Variants in CENATAC observed in about 807,000 individuals in gnomAD.
CENATAC encodes coiled-coil domain containing 84.
In CENATAC, 53 loss-of-function variants were observed where a neutral mutation model predicts 53.7. The ratio of observed to expected loss-of-function variants is 0.99; its 90% CI spans 0.79 to 1.24. The LOEUF is 1.24. Ranked by LOEUF, CENATAC falls within the 50% of genes most tolerant of loss-of-function variation. The probability of loss-of-function intolerance (pLI) is 0.00; values close to 1 mark genes in which losing one functional copy is unlikely to be tolerated. For missense variants in CENATAC, 474 were observed against 417.8 expected (o/e 1.13, Z -1.17); for synonymous variants, 156 against 144.6 (o/e 1.08, Z -0.57).
At chr11:118,999,705 C>T (rs1023502174) in intron 3 of CENATAC, among the ~76,000 whole-genome samples, 4 of 152,076 alleles carry the variant, frequency 2.6e-5, no homozygotes, top group African/African-American at 4.8e-5. Context: ...TGCAGTGGCG[C>T]GATCTCCGCT....
In CENATAC at chr11:118,998,485, A is replaced by G; in HGVS notation, c.176A>G (p.Glu59Gly). 6.2e-7 allele frequency: 1 copy of G among 1,613,392 alleles called. No individual in the cohort carries two copies. ...RAAQVERYVP[E>G]HERCCWCLCC... The stretch of plus-strand genomic sequence containing the variant: ...GCTCAGGTGGAGCGCTATGTGCCCG[A>G]ACACGAGCGATGCTGCTGGTGCCTG... The change falls in exon 2 of 11, where the codon GAA (glutamate) becomes GGA (glycine). Residue 59 changes from glutamate (E) to glycine (G), a missense_variant. Physicochemically the swap from Glu to Gly is moderately conservative, Grantham distance 98 (BLOSUM62 -2). Coordinates refer to ENST00000334418, the MANE Select transcript of CENATAC (RefSeq NM_198489.3).
At chr11:119,011,349 A>C in intron 5 of CENATAC, 66 bp downstream of exon 5, 1 of 1,445,730 alleles carries the variant, frequency 6.9e-7, no homozygotes, top group Non-Finnish European at 9.7e-7. Context: ...TCCCAGGTCC[A>C]GCATTTCATG....
At position 118,999,108 on chromosome 11, in the gene CENATAC, C is replaced by T. The variant is rs375803206; in HGVS notation, c.382C>T (p.Arg128Ter). 11 of 1,606,618 alleles carry T rather than the reference C, an allele frequency of 6.8e-6. No individual in the cohort carries two copies. Among genetic ancestry groups the T allele is most frequent in the South Asian group, 1.1e-5 (1 of 90,900 alleles). Reference sequence around the variant, plus strand: ...TCTGGTCACTCCCCAGGATTATGCGCGGTGAGTCACTGGTATGGAACGTGA... The same window carrying T: ...TCTGGTCACTCCCCAGGATTATGCGTGGTGAGTCACTGGTATGGAACGTGA... ...KFLVTPQDYA[R>*]FKKSMVKGLD... Residue 128 changes from arginine to a stop codon, truncating the protein, a stop_gained and splice_region_variant, in exon 3 of 11, where the codon CGA becomes TGA. Transcript: ENST00000334418. LOFTEE classifies it high-confidence loss of function.
intron 3 of CENATAC, among the ~76,000 whole-genome samples, chr11:119,006,910 T>G (rs952618011): frequency 9.2e-5 from 14 of 152,238 alleles, no homozygotes; most frequent in Non-Finnish European, 2.1e-4. Flanking sequence ...TCATTCTCTC[T>G]GGCCTGCCAC....
intron 8 of CENATAC, among the ~76,000 whole-genome samples, chr11:119,013,527 G>A (rs557286574): frequency 6.7e-6 from 1 of 149,434 alleles, no homozygotes; most frequent in Non-Finnish European, 1.5e-5. Flanking sequence ...GCAGTGGCGG[G>A]ATCTCGGCTC....
chr11:119,015,778 G>C lies in CENATAC; in HGVS notation c.*180G>C, dbSNP rs1489349957. On this transcript the variant is annotated 3_prime_UTR_variant, in exon 11 of 11. Coordinates refer to ENST00000334418, the MANE Select transcript of CENATAC (RefSeq NM_198489.3). ...TTGGACCTGTAAAAAAAAATTAAAA[G>C]AATCAGAACCATAAAGCTTTGTATC... 4 of 1,333,740 alleles carry C rather than the reference G, an allele frequency of 3.0e-6. No homozygotes were observed. Among genetic ancestry groups the C allele is most frequent in the African/African-American group, 1.5e-5 (1 of 67,824 alleles). The allele number at this position is 1,333,740 out of a possible 1,614,324, so 82.6% of individuals were successfully genotyped here.
intron 3 of CENATAC, among the ~76,000 whole-genome samples, chr11:119,005,155 T>A (rs1942521843): frequency 1.3e-5 from 2 of 152,036 alleles, no homozygotes; most frequent in South Asian, 4.1e-4. Context: ...ACAAAACTTC[T>A]CTCTGGTCCT....
intron 3 of CENATAC, among the ~76,000 whole-genome samples, chr11:119,009,220 C>T (rs1411392474): frequency 6.6e-6 from 1 of 152,060 alleles, no homozygotes; most frequent in Admixed American, 6.6e-5. Flanking sequence ...CCTCCACCTC[C>T]GAGGTTCAAG....
intron 3 of CENATAC, among the ~76,000 whole-genome samples, chr11:119,002,789 T>A (rs1289385070): frequency 6.6e-6 from 1 of 151,756 alleles, no homozygotes; most frequent in Non-Finnish European, 1.5e-5. Flanking sequence ...ATAGAAATAT[T>A]TCAGGTTTTT....
chr11:119,002,665 T>A (rs1462389321), intron 3 of CENATAC, among the ~76,000 whole-genome samples: 2 of 129,412 alleles, frequency 1.5e-5, no homozygotes, highest in African/African-American at 3.1e-5. Flanking sequence ...TGTATACTTT[T>A]AAAAATAAGC....
intron 3 of CENATAC, among the ~76,000 whole-genome samples, chr11:119,008,971 CAAAGTGGCTGGGT>C (rs1942739907): frequency 7.3e-6 from 1 of 136,692 alleles, no homozygotes; most frequent in African/African-American, 3.4e-5. Context: ...CAAGTTGGGT[CAAAGTGGCTGGGT>C]CAAAGTGGCT....
At chr11:119,004,284 G>C (rs569111150) in intron 3 of CENATAC, among the ~76,000 whole-genome samples, 4 of 151,618 alleles carry the variant, frequency 2.6e-5, no homozygotes, top group African/African-American at 9.7e-5. Context: ...GTCTTGCTCT[G>C]TTGCCCAGGC....
chr11:119,006,853 C>T (rs58709307), intron 3 of CENATAC, among the ~76,000 whole-genome samples: 37,576 of 152,178 alleles, frequency 0.25, 4,969 homozygotes, highest in Middle Eastern at 0.33. Flanking sequence ...TAATAAGTCT[C>T]ACATGATCTG....
chr11:119,015,538 A>ACAT lies in CENATAC; in HGVS notation c.942_944dup (p.His314dup), dbSNP rs1308732311. 1 of 1,614,126 alleles carries ACAT rather than the reference A, an allele frequency of 6.2e-7. No homozygotes were observed. The highest frequency in any genetic ancestry group is 8.5e-7 in the Non-Finnish European group (1 of 1,180,018). ...GTGTTAACCCTTTATTTCCTTTCAGACATCAATTCAAAACTGAAGCTGCAG... is the reference window on the plus strand; with the variant it reads ...GTGTTAACCCTTTATTTCCTTTCAGACATCATCAATTCAAAACTGAAGCTGCAG... On this transcript the variant is annotated inframe_insertion and splice_region_variant, in exon 11 of 11. Transcript: ENST00000334418.
At chr11:119,012,932 A>G (rs1942941575) in intron 7 of CENATAC, 2 of 335,132 alleles carry the variant, frequency 6.0e-6, no homozygotes, top group Non-Finnish European at 1.1e-5. Flanking sequence ...CTTGTGCTTA[A>G]TGCTCTTCCC....
intron 7 of CENATAC, 81 bp from the exon 8 acceptor site, chr11:119,013,151 T>C: frequency 1.9e-6 from 2 of 1,063,218 alleles, no homozygotes; most frequent in East Asian, 2.4e-5. Context: ...TAAAGTGTGC[T>C]TTGTCTATCG....
intron 3 of CENATAC, chr11:119,003,338 T>G: frequency 7.5e-6 from 4 of 534,012 alleles, no homozygotes; most frequent in Non-Finnish European, 1.5e-5. Flanking sequence ...TACGCGGATC[T>G]TCTTTTTTTT....
chr11:119,014,958 TAAAAAA>T (rs10680026), intron 8 of CENATAC, 30 bp from the exon 9 acceptor site: 2 of 1,169,128 alleles, frequency 1.7e-6, no homozygotes, highest in East Asian at 2.5e-5. Flanking sequence ...CCTGAAGACT[TAAAAAA>T]AAAAAAAAAA....
At chr11:119,002,956 T>A (rs1366048097) in intron 3 of CENATAC, 1 of 441,352 alleles carries the variant, frequency 2.3e-6, no homozygotes, top group African/African-American at 2.0e-5. Context: ...TTGATAATTT[T>A]TTTTTTAATG....
Sources: allele counts gnomAD v4.1 joint callset (sites outside exome capture counted in the v4.1 genomes callset), GRCh38; gene constraint gnomAD v4.1.1; transcripts MANE v1.5; gene names NCBI Gene and HGNC (gene_info 2026-07-23, HGNC 2026-07-21).